Variants in CEP83 observed in about 807,000 individuals in gnomAD.
CEP83 encodes centrosomal protein of 83 kDa.
In CEP83, 70 loss-of-function variants were observed where a neutral mutation model predicts 101.9. The observed-to-expected ratio is 0.69, with a 90% CI of 0.57 to 0.84. CEP83 has a LOEUF of 0.84. CEP83 is among the 40% of genes least tolerant of loss of function. CEP83 has a pLI of 0.00. For missense variants in CEP83, 715 were observed against 787.2 expected (o/e 0.91, Z 1.10); for synonymous variants, 264 against 267.9 (o/e 0.99, Z 0.14).
chr12:94,362,729 T>C (rs1163730383), intron 11 of CEP83, among the ~76,000 whole-genome samples: 1 of 152,196 alleles, frequency 6.6e-6, no homozygotes, highest in Non-Finnish European at 1.5e-5. Flanking sequence ...CAAAGTGATA[T>C]CTGCACTCCT....
intron 4 of CEP83, among the ~76,000 whole-genome samples, chr12:94,406,300 G>A (rs183556189): frequency 3.6e-4 from 55 of 152,104 alleles, no homozygotes; most frequent in Non-Finnish European, 5.6e-4. Context: ...ACTCCAGCCT[G>A]TGCAACAAGA....
chr12:94,415,663 T>C (rs1306946098), intron 2 of CEP83, among the ~76,000 whole-genome samples: 1 of 147,818 alleles, frequency 6.8e-6, no homozygotes, highest in Non-Finnish European at 1.5e-5. Context: ...CAATTTTAAA[T>C]TTACATGCAC....
the CEP83 span, chr12:94,279,603 C>T: frequency 2.7e-5 from 44 of 1,613,986 alleles, no homozygotes; most frequent in East Asian, 8.7e-4. Context: ...CATTCTTAAG[C>T]AAAAATGGCT....
In CEP83 at chr12:94,412,338, T is replaced by A. The variant is rs777508313; in HGVS notation, c.153A>T (p.Thr51=). ...RCEHHKANYQ[T]LKAEHTRLQN... ...TTTACCTTGTGTGTTCAGCCTTCAGTGTCTGATAATTAGCTTTATGATGCT... is the reference window on the plus strand; with the variant it reads ...TTTACCTTGTGTGTTCAGCCTTCAGAGTCTGATAATTAGCTTTATGATGCT... The change falls in exon 3 of 17, where the codon ACA becomes ACT. Residue 51 remains threonine (T), a synonymous_variant. Transcript: ENST00000397809. 1.1e-5 allele frequency: 18 copies of A among 1,609,142 alleles called. No individual in the cohort carries two copies. Among genetic ancestry groups the A allele is most frequent in the Admixed American group, 5.1e-5 (3 of 58,926 alleles).
At chr12:94,333,826 C>G (rs188626284) in intron 12 of CEP83, among the ~76,000 whole-genome samples, 187 bp from the exon 13 acceptor site, 1 of 152,234 alleles carries the variant, frequency 6.6e-6, no homozygotes, top group East Asian at 1.9e-4. Context: ...TAATCAGAGA[C>G]TATCAAGAAC....
chr12:94,366,234 G>A (rs1291798147), intron 11 of CEP83, among the ~76,000 whole-genome samples: 2 of 151,730 alleles, frequency 1.3e-5, no homozygotes. Context: ...GATGAGGTAT[G>A]GACTCAAAAC....
In CEP83 at chr12:94,411,859, T is replaced by A. The variant is rs772447431; in HGVS notation, c.174-12A>T. ...GTTCATTCTGCAACCTGGTTTTTTT[T>A]AAAGAGAATTCAATTTTGAGTAAAT... On this transcript the variant is annotated splice_polypyrimidine_tract_variant and intron_variant, in intron 3 of 16. Coordinates refer to ENST00000397809, the MANE Select transcript of CEP83 (RefSeq NM_016122.3). The A allele has an allele frequency of 9.4e-6, 15 of 1,601,294 alleles. No homozygotes were observed. The highest frequency in any genetic ancestry group is 3.4e-5 in the Admixed American group (2 of 58,872).
intron 11 of CEP83, among the ~76,000 whole-genome samples, chr12:94,348,767 G>A (rs114608315): frequency 1.9e-3 from 293 of 152,216 alleles, no homozygotes; most frequent in African/African-American, 6.8e-3. Flanking sequence ...GCCCGCAGCC[G>A]GCACTGATCA....
At chr12:94,437,905 T>C (rs1014858605) in intron 1 of CEP83, among the ~76,000 whole-genome samples, 2 of 152,152 alleles carry the variant, frequency 1.3e-5, no homozygotes, top group Non-Finnish European at 1.5e-5. Context: ...TGAATGTAAA[T>C]TGCCTAAATG....
chr12:94,366,606 T>A (rs1565997256), intron 11 of CEP83, among the ~76,000 whole-genome samples: 1 of 152,096 alleles, frequency 6.6e-6, no homozygotes. Flanking sequence ...CAATGTAAAC[T>A]CAAGATTATT....
chr12:94,331,476 C>T (rs1322163915), intron 14 of CEP83, among the ~76,000 whole-genome samples: 4 of 145,588 alleles, frequency 2.7e-5, no homozygotes, highest in Non-Finnish European at 6.0e-5. Context: ...ATGCCATTCT[C>T]CTGTCTCAGC....
intron 1 of CEP83, among the ~76,000 whole-genome samples, chr12:94,451,726 G>A (rs2067269130): frequency 2.6e-5 from 4 of 152,086 alleles, no homozygotes; most frequent in African/African-American, 9.7e-5. Context: ...AGCTACTTTG[G>A]AAAACATTTT....
rs746978810 is a variant in CEP83 at position 94,313,033 on chromosome 12, T to C, written c.1708-16A>G. The C allele has an allele frequency of 2.7e-6, 3 of 1,119,788 alleles. No homozygotes were observed. Among genetic ancestry groups the C allele is most frequent in the South Asian group, 2.6e-5 (2 of 75,494 alleles). 69.4% of individuals were successfully genotyped at this position (1,119,788 alleles called of 1,614,324 possible). A position where few individuals can be genotyped will look rare whatever the true frequency, so the allele number is the denominator to read the frequency against. On this transcript the variant is annotated splice_polypyrimidine_tract_variant and intron_variant, in intron 14 of 16. Coordinates refer to ENST00000397809, the MANE Select transcript of CEP83 (RefSeq NM_016122.3). ...GAGATTTTCTCTAAAAAGAGAAATATGAACAAGTATGTTAATACATAATCT... is the reference window on the plus strand; with the variant it reads ...GAGATTTTCTCTAAAAAGAGAAATACGAACAAGTATGTTAATACATAATCT...
chr12:94,364,674 A>C (rs2060934876), intron 11 of CEP83, among the ~76,000 whole-genome samples: 1 of 152,180 alleles, frequency 6.6e-6, no homozygotes, highest in African/African-American at 2.4e-5. Flanking sequence ...ATGGCACATG[A>C]ACAGACAACC....
In CEP83 at chr12:94,401,001, A is replaced by G; in HGVS notation, c.418-20T>C. On this transcript the variant is annotated intron_variant, in intron 5 of 16. Coordinates refer to ENST00000397809, the MANE Select transcript of CEP83 (RefSeq NM_016122.3). ...TACCTCCTAAAGGGAGAATGCATTTATCATAGATTTATAAACAAAATTCGT... is the reference window on the plus strand; with the variant it reads ...TACCTCCTAAAGGGAGAATGCATTTGTCATAGATTTATAAACAAAATTCGT... 1 of 1,307,362 alleles carries G rather than the reference A, an allele frequency of 7.6e-7. No homozygotes were observed. 81.0% of individuals were successfully genotyped at this position (1,307,362 alleles called of 1,614,324 possible).
chr12:94,280,661 A>T, the CEP83 span, among the ~76,000 whole-genome samples: 1 of 152,204 alleles, frequency 6.6e-6, no homozygotes, highest in Non-Finnish European at 1.5e-5. Flanking sequence ...ACAGGATCAA[A>T]GGGGGAGCCC....
chr12:94,322,932 A>T (rs2136391894), intron 14 of CEP83, among the ~76,000 whole-genome samples: 1 of 152,322 alleles, frequency 6.6e-6, no homozygotes, highest in East Asian at 1.9e-4. Flanking sequence ...CACCCATTGA[A>T]AAGCAGGGTC....
At chr12:94,456,303 G>A (rs976898688) in intron 1 of CEP83, among the ~76,000 whole-genome samples, 1 of 152,040 alleles carries the variant, frequency 6.6e-6, no homozygotes, top group African/African-American at 2.4e-5. Flanking sequence ...TTCTGATTCC[G>A]TGAATTCCCA....
chr12:94,298,598 TAATCTCCCA>T, the CEP83 span: 7 of 1,542,774 alleles, frequency 4.5e-6, no homozygotes, highest in African/African-American at 1.4e-5. Context: ...CCACAGTTTT[TAATCTCCCA>T]AATCTGATGT....
Sources: allele counts gnomAD v4.1 joint callset (sites outside exome capture counted in the v4.1 genomes callset), GRCh38; gene constraint gnomAD v4.1.1; transcripts MANE v1.5; gene names NCBI Gene and HGNC (gene_info 2026-07-23, HGNC 2026-07-21).